KIF24: variants seen among roughly 807,000 people sequenced by gnomAD.
KIF24 encodes kinesin family member 24, also known as kinesin-like protein KIF24.
A neutral mutation model predicts 118.9 loss-of-function variants in KIF24; 81 were observed. The observed-to-expected ratio is 0.68, with a 90% CI of 0.57 to 0.82. KIF24 has a LOEUF of 0.82. Ranked by LOEUF, KIF24 falls within the 40% of genes least tolerant of loss-of-function variation. KIF24 has a pLI of 0.00. For synonymous variants in KIF24, 599 were observed against 610.0 expected, an observed-to-expected ratio of 0.98 and a Z score of 0.27; for missense variants, 1,560 against 1,661.6, an observed-to-expected ratio of 0.94 and a Z score of 1.06.
intron 8 of KIF24, among the ~76,000 whole-genome samples, chr9:34,268,966 GA>G (rs1236877913): frequency 3.9e-5 from 6 of 152,310 alleles, no homozygotes; most frequent in South Asian, 2.1e-4. Context: ...AAAGCTTGGG[GA>G]AAGAGAGAAA....
chr9:34,303,738 A>G (rs537718472), intron 3 of KIF24, among the ~76,000 whole-genome samples: 1 of 152,244 alleles, frequency 6.6e-6, no homozygotes, highest in South Asian at 2.1e-4. Context: ...AGTCCCAGCT[A>G]CTCAAGAGGC....
intron 1 of KIF24, among the ~76,000 whole-genome samples, chr9:34,315,339 T>C (rs1272615538): frequency 6.6e-6 from 1 of 152,164 alleles, no homozygotes; most frequent in African/African-American, 2.4e-5. Context: ...TTTTAAAAAA[T>C]TGTATATAAC....
At chr9:34,330,208 C>T (rs1837859327), upstream of KIF24, among the ~76,000 whole-genome samples, 1 of 152,132 alleles carries the variant, frequency 6.6e-6, no homozygotes, top group African/African-American at 2.4e-5. Context: ...TCGAGACCAT[C>T]CTGGCTAACA....
At position 34,266,504 on chromosome 9, in the gene KIF24, G is replaced by T. The variant is rs569129361; in HGVS notation, c.1443+2753C>A. Among the ~76,000 whole-genome samples the T allele has an allele frequency of 4.0e-5, 6 of 151,826 alleles. No homozygotes were observed. In the East Asian group the frequency reaches 1.2e-3, roughly 30 times the overall value. ...CCAGCATGGCCAACATGGTGAAACC[G>T]GGTCTCTACTAAAAATACAAAAAAT... On this transcript the variant is annotated intron_variant, in intron 8 of 12. Coordinates refer to ENST00000402558, the MANE Select transcript of KIF24 (RefSeq NM_194313.4).
chr9:34,267,516 C>T (rs1485773711), intron 8 of KIF24, among the ~76,000 whole-genome samples: 1 of 152,040 alleles, frequency 6.6e-6, no homozygotes, highest in Non-Finnish European at 1.5e-5. Context: ...AGAAATAATA[C>T]ATGAGCCACA....
intron 8 of KIF24, among the ~76,000 whole-genome samples, chr9:34,263,769 T>C (rs978480727): frequency 6.7e-5 from 10 of 148,262 alleles, no homozygotes; most frequent in African/African-American, 2.5e-4. Context: ...GATGGGGGTC[T>C]CTGTATATTG....
intron 3 of KIF24, among the ~76,000 whole-genome samples, chr9:34,300,077 T>TG (rs1836640994): frequency 6.6e-6 from 1 of 152,142 alleles, no homozygotes; most frequent in Non-Finnish European, 1.5e-5. Context: ...GAATCTGTTG[T>TG]GTGTACCATT....
rs1563931265 is a variant in KIF24 at position 34,255,999 on chromosome 9, C to A, written c.3608G>T (p.Gly1203Val). 1 of 1,613,964 alleles carries A rather than the reference C, an allele frequency of 6.2e-7. No homozygotes were observed. The highest frequency in any genetic ancestry group is 2.2e-5 in the East Asian group (1 of 44,876). Residue 1203 changes from glycine to valine, a missense_variant, in exon 11 of 13, where the codon GGA (glycine) becomes GTA (valine). Coordinates refer to ENST00000402558, the MANE Select transcript of KIF24 (RefSeq NM_194313.4). ...TTIHMGVPHS[G>V]PTLTPRTGSS... ...TCCTGTTCGTGGGGTGAGTGTAGGT[C>A]CAGAATGGGGTACCCCCATATGTAT...
intron 9 of KIF24, among the ~76,000 whole-genome samples, chr9:34,261,935 ATTTTC>A (rs1563936075): frequency 6.6e-6 from 1 of 151,866 alleles, no homozygotes; most frequent in Admixed American, 6.6e-5. Flanking sequence ...CTAATTCAAC[ATTTTC>A]TTTTCTTTTT....
chr9:34,324,685 A>G (rs1475648692), intron 1 of KIF24, among the ~76,000 whole-genome samples: 1 of 152,214 alleles, frequency 6.6e-6, no homozygotes, highest in Non-Finnish European at 1.5e-5. Context: ...CACATAGTAC[A>G]AAGTCCAAAC....
rs751229172 is a variant in KIF24 at position 34,257,004 on chromosome 9, T to G, written c.2603A>C (p.Gln868Pro). The G allele has an allele frequency of 6.2e-7, 1 of 1,614,054 alleles. No individual in the cohort carries two copies. The highest frequency in any genetic ancestry group is 8.5e-7 in the Non-Finnish European group (1 of 1,179,900). The change falls in exon 11 of 13, where the codon CAG (glutamine) becomes CCG (proline). Residue 868 changes from glutamine to proline, a missense_variant. Physicochemically the swap from Gln to Pro is moderately conservative, Grantham distance 76. Around this residue, in one of 3 missense-constraint regions of KIF24, gnomAD observed 591 missense variants for 655.6 expected, o/e 0.90. Coordinates refer to ENST00000402558, the MANE Select transcript of KIF24 (RefSeq NM_194313.4). The part of the protein sequence containing the change: ...HQTWGQGPEK[Q>P]VAERQQSLFS... ...CAGACTCTGCTGTCTTTCTGCCACC[T>G]GCTTCTCAGGACCCTGTCCCCACGT...
intron 8 of KIF24, among the ~76,000 whole-genome samples, chr9:34,264,806 T>C (rs182440290): frequency 1.3e-5 from 2 of 152,176 alleles, no homozygotes; most frequent in Non-Finnish European, 2.9e-5. Flanking sequence ...TTACCCCTCA[T>C]GAAGTCTGGA....
chr9:34,297,317 T>A (rs1232374328), intron 3 of KIF24, among the ~76,000 whole-genome samples: 1 of 152,192 alleles, frequency 6.6e-6, no homozygotes, highest in Non-Finnish European at 1.5e-5. Flanking sequence ...TCTTACAAGG[T>A]AAAAACTAAG....
chr9:34,259,811 A>G, intron 9 of KIF24, 106 bp from the exon 10 acceptor site: 1 of 704,918 alleles, frequency 1.4e-6, no homozygotes, highest in East Asian at 2.6e-5. Context: ...TCTGTCCACA[A>G]AAAGGTAATT....
intron 7 of KIF24, among the ~76,000 whole-genome samples, chr9:34,270,797 C>A (rs1245167014): frequency 6.7e-6 from 1 of 148,448 alleles, no homozygotes; most frequent in Non-Finnish European, 1.5e-5. Flanking sequence ...GAGACGGAGT[C>A]TCGCTCTGTT....
intron 11 of KIF24, 103 bp from the exon 12 acceptor site, chr9:34,255,268 C>T (rs996720186): frequency 1.3e-5 from 9 of 719,096 alleles, no homozygotes; most frequent in African/African-American, 5.3e-5. Flanking sequence ...CTGCCTCTGC[C>T]GAAAATGGTC....
At chr9:34,323,948 T>C (rs1837597116) in intron 1 of KIF24, among the ~76,000 whole-genome samples, 1 of 152,252 alleles carries the variant, frequency 6.6e-6, no homozygotes. Context: ...AAATTTGTTT[T>C]AGAAAGTGAT....
intron 9 of KIF24, 87 bp from the exon 10 acceptor site, chr9:34,259,792 T>A: frequency 1.2e-6 from 1 of 814,164 alleles, no homozygotes. Flanking sequence ...TGCTGGGCCA[T>A]AGTTCCCTTC....
chr9:34,298,423 G>A (rs1836568261), intron 3 of KIF24, among the ~76,000 whole-genome samples: 1 of 152,012 alleles, frequency 6.6e-6, no homozygotes, highest in East Asian at 1.9e-4. Flanking sequence ...GTGGGCGCCT[G>A]TAATCCCAGC....
Sources: allele counts gnomAD v4.1 joint callset (sites outside exome capture counted in the v4.1 genomes callset), GRCh38; gene constraint gnomAD v4.1.1; regional missense constraint gnomAD v4.1.1; transcripts MANE v1.5; gene names NCBI Gene and HGNC (gene_info 2026-07-23, HGNC 2026-07-21).